Variants in ANXA6 observed in about 807,000 individuals in gnomAD.
The protein encoded by ANXA6 is annexin A6, also known as 67 kDa calelectrin.
Under a neutral mutation model 95.4 loss-of-function variants are expected in ANXA6, and 71 were observed. That is an observed-to-expected ratio of 0.74 (90% confidence interval 0.61 to 0.91). ANXA6 has a LOEUF of 0.91. Among genes scored for constraint, ANXA6 ranks in the 40% least tolerant of loss-of-function variants. The pLI, the probability that ANXA6 is intolerant of heterozygous loss-of-function variation, is 0.00. For missense variants in ANXA6, 830 were observed against 876.4 expected, an observed-to-expected ratio of 0.95 and a Z score of 0.67; for synonymous variants, 289 against 315.9, an observed-to-expected ratio of 0.91 and a Z score of 0.90.
chr5:151,133,672 C>T (rs1469118113), intron 8 of ANXA6, among the ~76,000 whole-genome samples: 3 of 152,222 alleles, frequency 2.0e-5, no homozygotes, highest in African/African-American at 7.2e-5. Flanking sequence ...TGTGGTCCAT[C>T]ATTAACCAAA....
intron 23 of ANXA6, among the ~76,000 whole-genome samples, chr5:151,105,945 C>T (rs1764683998): frequency 1.3e-5 from 2 of 152,150 alleles, no homozygotes; most frequent in Non-Finnish European, 2.9e-5. Flanking sequence ...GACTTTTGCA[C>T]CAACCTAACA....
At chr5:151,119,242 G>A (rs1046846980) in intron 18 of ANXA6, 58 bp downstream of exon 18, 2 of 1,424,416 alleles carry the variant, frequency 1.4e-6, no homozygotes, top group African/African-American at 1.4e-5. Flanking sequence ...GGCTGGGGTT[G>A]GAAGTTGGGG....
chr5:151,101,998 G>A (rs1764564127), intron 25 of ANXA6, among the ~76,000 whole-genome samples: 1 of 152,174 alleles, frequency 6.6e-6, no homozygotes, highest in South Asian at 2.1e-4. Context: ...ATCGTGTTAG[G>A]TGATTTCTTA....
chr5:151,112,666 A>T (rs983842505), intron 20 of ANXA6, among the ~76,000 whole-genome samples: 5 of 152,180 alleles, frequency 3.3e-5, no homozygotes, highest in African/African-American at 9.7e-5. Flanking sequence ...ACCCTACTCT[A>T]CCAAAAAATT....
intron 2 of ANXA6, among the ~76,000 whole-genome samples, chr5:151,142,748 G>A (rs1323241511): frequency 6.6e-6 from 1 of 152,224 alleles, no homozygotes; most frequent in Non-Finnish European, 1.5e-5. Flanking sequence ...TGAGATGGAG[G>A]ACGCCGAAGG....
Position 151,100,735 on chromosome 5 carries a change from A to G in ANXA6, c.*713T>C, listed in dbSNP as rs1764523144. 3 of 383,936 alleles carry G rather than the reference A, an allele frequency of 7.8e-6. No individual in the cohort carries two copies. The highest frequency in any genetic ancestry group is 6.3e-5 in the Admixed American group (2 of 31,788). 23.8% of individuals were successfully genotyped at this position (383,936 alleles called of 1,614,324 possible). ...TTTATGTGTTTGTGTATCTCTTTTTATTTCTTCCTTAGAAATAAAAAGTGT... is the reference window on the plus strand; with the variant it reads ...TTTATGTGTTTGTGTATCTCTTTTTGTTTCTTCCTTAGAAATAAAAAGTGT... On this transcript the variant is annotated 3_prime_UTR_variant, in exon 26 of 26. Transcript: ENST00000354546.
intron 1 of ANXA6, among the ~76,000 whole-genome samples, chr5:151,148,377 A>C (rs965865004): frequency 2.0e-5 from 3 of 152,206 alleles, no homozygotes; most frequent in African/African-American, 7.2e-5. Flanking sequence ...CCCAGAGTCT[A>C]TACTATCTGC....
rs1447785308 is a variant in ANXA6 at position 151,117,854 on chromosome 5, G to A, written c.1439-17C>T. 2 of 1,608,264 alleles carry A rather than the reference G, an allele frequency of 1.2e-6. No homozygotes were observed. Among genetic ancestry groups the A allele is most frequent in the African/African-American group, 2.7e-5 (2 of 74,790 alleles). On this transcript the variant is annotated splice_polypyrimidine_tract_variant and intron_variant, in intron 18 of 25. Coordinates refer to ENST00000354546, the MANE Select transcript of ANXA6 (RefSeq NM_001155.5). ...TGTGATAGTCTGAGGCAGAGAAAGG[G>A]GGTGTGGGTAGCTGCTGGCCAAGAA...
chr5:151,154,571 G>A (rs1021340700), intron 1 of ANXA6, among the ~76,000 whole-genome samples: 2 of 152,022 alleles, frequency 1.3e-5, no homozygotes, highest in African/African-American at 2.4e-5. Flanking sequence ...CTTCTCCCCC[G>A]GTCTGCAGGA....
At chr5:151,151,685 C>T (rs2113961153) in intron 1 of ANXA6, among the ~76,000 whole-genome samples, 1 of 152,286 alleles carries the variant, frequency 6.6e-6, no homozygotes, top group South Asian at 2.1e-4. Context: ...GAGACTTCAA[C>T]TCAGGATTTT....
chr5:151,115,484 A>G (rs1423150583), intron 20 of ANXA6, among the ~76,000 whole-genome samples: 2 of 151,638 alleles, frequency 1.3e-5, no homozygotes, highest in Non-Finnish European at 2.9e-5. Context: ...AAGGCCCACC[A>G]CTGCCCCCTG....
At position 151,134,597 on chromosome 5, in the gene ANXA6, C is replaced by T. The variant is rs1765606281; in HGVS notation, c.490-114G>A. On this transcript the variant is annotated intron_variant, in intron 7 of 25. Coordinates refer to ENST00000354546, the MANE Select transcript of ANXA6 (RefSeq NM_001155.5). ...GAAAACCCTGGTGGCCCAGATGTGTCCAGAAGCAGTGACTGCTATTGCATG... is the reference window on the plus strand; with the variant it reads ...GAAAACCCTGGTGGCCCAGATGTGTTCAGAAGCAGTGACTGCTATTGCATG... 5 of 1,025,724 alleles carry T rather than the reference C, an allele frequency of 4.9e-6. No individual in the cohort carries two copies. In the East Asian group the frequency reaches 1.2e-4, roughly 24 times the overall value. 63.5% of individuals were successfully genotyped at this position (1,025,724 alleles called of 1,614,324 possible).
Position 151,138,745 on chromosome 5 carries a change from C to A in ANXA6, c.251G>T (p.Arg84Leu). ...LKYELTGKFE[R>L]LIVGLMRPPA... is the part of the protein sequence containing the mutation. ...TGGCCTCATCAGGCCCACAATCAAC[C>A]GTTCAAACTTGCCCGTCAATTCATA... The change falls in exon 5 of 26, where the codon CGG (arginine) becomes CTG (leucine). Residue 84 changes from arginine (R) to leucine (L), a missense_variant. Arg to Leu is a moderately radical substitution (Grantham distance 102). Coordinates refer to ENST00000354546, the MANE Select transcript of ANXA6 (RefSeq NM_001155.5). 1 of 1,613,920 alleles carries A rather than the reference C, an allele frequency of 6.2e-7. No individual in the cohort carries two copies. The highest frequency in any genetic ancestry group is 1.7e-5 in the Admixed American group (1 of 60,004).
At position 151,114,613 on chromosome 5, in the gene ANXA6, T is replaced by TAAAAAAAAAAAA. The variant is rs61407672; in HGVS notation, c.1572+2502_1572+2513dup. Among the ~76,000 whole-genome samples, 37 of 70,318 alleles carry TAAAAAAAAAAAA rather than the reference T, an allele frequency of 5.3e-4. 4 individuals carry two copies. The highest frequency in any genetic ancestry group is 1.0e-3 in the East Asian group (2 of 1,992). 46.1% of individuals were successfully genotyped at this position (70,318 alleles called of 152,430 possible). ...TGGGCAACAGAGCGAGACTCCGTCT[T>TAAAAAAAAAAAA]AAAAAAAAAAAAAAAAAAAAAAAAA... On this transcript the variant is annotated intron_variant, in intron 20 of 25. Transcript: ENST00000354546.
Position 151,136,310 on chromosome 5 carries a change from G to T in ANXA6, c.435C>A (p.Asp145Glu), listed in dbSNP as rs1243366180. 6.8e-6 allele frequency: 11 copies of T among 1,613,870 alleles called. No homozygotes were observed. The African/African-American group carries it at 1.2e-4, about 18-fold the overall frequency. ...AGTGGCCAGAGGTGTCGCCGATGAT[G>T]TCAGCCTCCAGGTCCCGCTCGTAGG... is the stretch of plus-strand genomic sequence containing the variant. ...KDAYERDLEA[D>E]IIGDTSGHFQ... Residue 145 changes from aspartate (D) to glutamate (E), a missense_variant, in exon 7 of 26, where the codon GAC becomes GAA. Physicochemically the swap from Asp to Glu is conservative, Grantham distance 45. Transcript: ENST00000354546.
At chr5:151,121,898 G>C (rs1765178318) in intron 17 of ANXA6, among the ~76,000 whole-genome samples, 1 of 152,218 alleles carries the variant, frequency 6.6e-6, no homozygotes, top group Non-Finnish European at 1.5e-5. Flanking sequence ...AGCCAGAAGG[G>C]AGGACAGCAG....
chr5:151,137,268 A>T lies in ANXA6; in HGVS notation c.372T>A (p.Asn124Lys), dbSNP rs372418711. The change falls in exon 6 of 26, where the codon AAT (asparagine) becomes AAA (lysine). Residue 124 changes from asparagine (N) to lysine (K), a missense_variant. Coordinates refer to ENST00000354546, the MANE Select transcript of ANXA6 (RefSeq NM_001155.5). ...CLIEILASRTNEQMHQLVAAY... is the reference protein window; with the variant it reads ...CLIEILASRTKEQMHQLVAAY... ...CTGCCACCAGCTGGTGCATCTGCTC[A>T]TTGGTCCGGGAAGCCAAGATCTCAA... The T allele has an allele frequency of 3.1e-6, 5 of 1,613,680 alleles. No individual in the cohort carries two copies. In the African/African-American group the frequency reaches 5.3e-5, roughly 17 times the overall value.
chr5:151,156,365 C>T (rs999244973), intron 1 of ANXA6, among the ~76,000 whole-genome samples: 1 of 152,224 alleles, frequency 6.6e-6, no homozygotes, highest in African/African-American at 2.4e-5. Context: ...GGACTGTAAC[C>T]GGGCTTTCCT....
chr5:151,127,652 T>C (rs964587384), intron 13 of ANXA6, among the ~76,000 whole-genome samples: 2 of 152,204 alleles, frequency 1.3e-5, no homozygotes, highest in African/African-American at 4.8e-5. Flanking sequence ...TGTGCTTTTA[T>C]ATATGCTTTC....
Sources: allele counts gnomAD v4.1 joint callset (sites outside exome capture counted in the v4.1 genomes callset), GRCh38; gene constraint gnomAD v4.1.1; transcripts MANE v1.5; gene names NCBI Gene and HGNC (gene_info 2026-07-23, HGNC 2026-07-21).